Variants in SPATA6 observed in about 807,000 individuals in gnomAD.
SPATA6 encodes the protein spermatogenesis associated 6.
SPATA6 carries 56 observed loss-of-function variants against 65.3 expected under a neutral mutation model. The ratio of observed to expected loss-of-function variants is 0.86; its 90% confidence interval spans 0.69 to 1.07. SPATA6 has a LOEUF of 1.07. SPATA6 is among the 50% of genes least tolerant of loss of function. The pLI is 0.00. For synonymous variants in SPATA6, 199 were observed against 213.2 expected (o/e 0.93, Z 0.58); for missense variants, 590 against 594.8 (o/e 0.99, Z 0.08).
the SPATA6 span, among the ~76,000 whole-genome samples, chr1:48,283,690 AAAAAAAAAAAG>A: frequency 4.1e-3 from 552 of 135,966 alleles, 14 homozygotes; most frequent in South Asian, 0.045. Flanking sequence ...AAAAAAAAAA[AAAAAAAAAAAG>A]AAAGAAAGAA....
intron 3 of SPATA6, chr1:48,436,159 G>A: frequency 1.2e-6 from 2 of 1,610,476 alleles, no homozygotes; most frequent in Non-Finnish European, 1.7e-6. Context: ...AGTAGAAACA[G>A]GAAGAGGATT....
chr1:48,283,916 C>CT, the SPATA6 span, among the ~76,000 whole-genome samples: 1 of 151,956 alleles, frequency 6.6e-6, no homozygotes, highest in Non-Finnish European at 1.5e-5. Flanking sequence ...CTTGGGGTTG[C>CT]TCTTCTCAAG....
chr1:48,454,636 T>A (rs1350736357), intron 1 of SPATA6, among the ~76,000 whole-genome samples: 1 of 152,216 alleles, frequency 6.6e-6, no homozygotes, highest in Non-Finnish European at 1.5e-5. Context: ...ATAAATTTCC[T>A]GAGGACAGAA....
chr1:48,319,869 T>C (rs1399751749), intron 11 of SPATA6, among the ~76,000 whole-genome samples: 1 of 152,130 alleles, frequency 6.6e-6, no homozygotes. Flanking sequence ...GGCCGAGCAC[T>C]TTCACATGCC....
At chr1:48,351,491 T>A (rs183062701) in intron 11 of SPATA6, among the ~76,000 whole-genome samples, 28 of 152,186 alleles carry the variant, frequency 1.8e-4, no homozygotes, top group Non-Finnish European at 1.5e-5. Flanking sequence ...TACTCCCACT[T>A]TACTAAGAGT....
At chr1:48,368,263 A>G (rs540110069) in intron 9 of SPATA6, among the ~76,000 whole-genome samples, 1 of 152,142 alleles carries the variant, frequency 6.6e-6, no homozygotes, top group East Asian at 1.9e-4. Context: ...GAATCTGACA[A>G]TTATGTGTCT....
At chr1:48,273,804 T>C in the SPATA6 span, among the ~76,000 whole-genome samples, 3 of 152,174 alleles carry the variant, frequency 2.0e-5, no homozygotes, top group Non-Finnish European at 2.9e-5. Context: ...AGTAAACATA[T>C]GTGTGCATGT....
At chr1:48,462,200 G>C (rs1171025117) in intron 1 of SPATA6, among the ~76,000 whole-genome samples, 1 of 151,840 alleles carries the variant, frequency 6.6e-6, no homozygotes, top group South Asian at 2.1e-4. Context: ...GTTGTGGGGT[G>C]GGGGGAGCGG....
At position 48,399,488 on chromosome 1, in the gene SPATA6, AT is replaced by A; in HGVS notation, c.642del (p.Lys214AsnfsTer27). On this transcript the variant is annotated frameshift_variant, in exon 7 of 13. Coordinates refer to ENST00000371847, the MANE Select transcript of SPATA6 (RefSeq NM_019073.4). LOFTEE classifies it high-confidence loss of function. ...KNYEQPTISSKSHSPSPYTKR... is the reference protein window; with the variant it reads ...KNYEQPTISSXSHSPSPYTKR... ...TTTGTGTAGGGAGATGGAGAGTGTG[AT>A]TTTGAAGAAATTGTAGGCTGTTCGT... 1 of 1,613,302 alleles carries A rather than the reference AT, an allele frequency of 6.2e-7. No individual in the cohort carries two copies.
intron 3 of SPATA6, among the ~76,000 whole-genome samples, chr1:48,440,319 C>T (rs992455570): frequency 6.6e-6 from 1 of 152,156 alleles, no homozygotes; most frequent in Non-Finnish European, 1.5e-5. Context: ...AGATGTCCTA[C>T]AGGGTCTAGG....
At chr1:48,281,177 T>TGTATCTC in the SPATA6 span, among the ~76,000 whole-genome samples, 1 of 151,916 alleles carries the variant, frequency 6.6e-6, no homozygotes, top group East Asian at 1.9e-4. Flanking sequence ...ATTGATGGGA[T>TGTATCTC]GTATCTCAAA....
intron 11 of SPATA6, among the ~76,000 whole-genome samples, chr1:48,317,610 T>A (rs1199366220): frequency 6.6e-6 from 1 of 151,952 alleles, no homozygotes. Context: ...CACACCAACA[T>A]AGCACATGTA....
intron 3 of SPATA6, among the ~76,000 whole-genome samples, chr1:48,413,707 C>T (rs978209481): frequency 6.6e-6 from 1 of 152,080 alleles, no homozygotes; most frequent in African/African-American, 2.4e-5. Context: ...GGGGCACCAA[C>T]ACCTGTGCCA....
intron 8 of SPATA6, among the ~76,000 whole-genome samples, chr1:48,389,448 T>C (rs1557654026): frequency 6.6e-6 from 1 of 152,140 alleles, no homozygotes; most frequent in Non-Finnish European, 1.5e-5. Flanking sequence ...CCTAAGCAGA[T>C]ACAATGCAAA....
chr1:48,276,567 T>C, the SPATA6 span, among the ~76,000 whole-genome samples: 5 of 152,194 alleles, frequency 3.3e-5, no homozygotes, highest in Non-Finnish European at 5.9e-5. Flanking sequence ...GAACTTATTA[T>C]TTCTGCCGTT....
At chr1:48,373,247 T>C (rs1415109618) in intron 9 of SPATA6, among the ~76,000 whole-genome samples, 2 of 152,246 alleles carry the variant, frequency 1.3e-5, no homozygotes, top group East Asian at 3.8e-4. Flanking sequence ...CTTAGAAGTT[T>C]ATTCTGCCAG....
intron 11 of SPATA6, chr1:48,325,590 T>G: frequency 1.1e-6 from 1 of 897,812 alleles, no homozygotes; most frequent in Non-Finnish European, 1.9e-6. Flanking sequence ...ATGGTAAAGG[T>G]GGAAATCCAC....
chr1:48,281,374 G>C, the SPATA6 span, among the ~76,000 whole-genome samples: 1 of 151,786 alleles, frequency 6.6e-6, no homozygotes, highest in Non-Finnish European at 1.5e-5. Context: ...TATTCAATTA[G>C]GAAAAGAGGA....
intron 9 of SPATA6, among the ~76,000 whole-genome samples, chr1:48,367,680 C>T (rs984029982): frequency 2.0e-5 from 3 of 152,110 alleles, no homozygotes; most frequent in Admixed American, 6.6e-5. Flanking sequence ...TATTTTGAGC[C>T]TATGTGTGTC....
Sources: gnomAD v4.1 joint callset for allele counts (sites outside exome capture counted in the v4.1 genomes callset) on GRCh38, gnomAD v4.1.1 for gene constraint, MANE v1.5 for transcripts, NCBI Gene and HGNC (gene_info 2026-07-23, HGNC 2026-07-21) for gene names.